BAIAP2L1: variants seen among roughly 807,000 people sequenced by gnomAD.
BAIAP2L1 encodes BAR/IMD domain containing adaptor protein 2 like 1, also known as BAR/IMD domain-containing adapter protein 2-like 1.
In BAIAP2L1, 35 loss-of-function variants were observed where a neutral mutation model predicts 66.3. The observed-to-expected ratio is 0.53, with a 90% CI of 0.40 to 0.70. The LOEUF (loss-of-function observed/expected upper bound fraction) is 0.70, where lower values mean the gene tolerates loss of function less well. BAIAP2L1 is among the 30% of genes least tolerant of loss of function. BAIAP2L1 has a pLI of 0.00. For missense variants in BAIAP2L1, 622 were observed against 656.9 expected, an observed-to-expected ratio of 0.95 and a Z score of 0.58; for synonymous variants, 269 against 248.7, an observed-to-expected ratio of 1.08 and a Z score of -0.77.
chr7:98,293,363 C>T lies in BAIAP2L1; in HGVS notation c.*158G>A, dbSNP rs756148719. On this transcript the variant is annotated 3_prime_UTR_variant, in exon 14 of 14. Coordinates refer to ENST00000005260, the MANE Select transcript of BAIAP2L1 (RefSeq NM_018842.5). ...TAAAGGCAGAAACTTGTCAACCCAA[C>T]TACGTGAAACAGAGAAGCATGATTT... is the stretch of plus-strand genomic sequence containing the variant. The T allele has an allele frequency of 6.1e-6, 4 of 657,222 alleles. No individual in the cohort carries two copies. Among genetic ancestry groups the T allele is most frequent in the African/African-American group, 1.8e-5 (1 of 56,154 alleles). 40.7% of individuals were successfully genotyped at this position (657,222 alleles called of 1,614,324 possible). A position where few individuals can be genotyped will look rare whatever the true frequency, so the allele number is the denominator to read the frequency against.
At chr7:98,375,177 G>A (rs1330762178) in intron 1 of BAIAP2L1, among the ~76,000 whole-genome samples, 1 of 149,938 alleles carries the variant, frequency 6.7e-6, no homozygotes, top group African/African-American at 2.5e-5. Context: ...GGTGGATCAC[G>A]AGGTCAGGAG....
At chr7:98,398,761 A>G (rs879936161) in intron 1 of BAIAP2L1, among the ~76,000 whole-genome samples, 1 of 152,146 alleles carries the variant, frequency 6.6e-6, no homozygotes, top group African/African-American at 2.4e-5. Flanking sequence ...CTAAGGAGTT[A>G]TTACTAAAAG....
At chr7:98,397,318 C>CTTTTTTTTTTTTT (rs36101597) in intron 1 of BAIAP2L1, among the ~76,000 whole-genome samples, 3 of 74,498 alleles carry the variant, frequency 4.0e-5, no homozygotes, top group African/African-American at 1.1e-4. Flanking sequence ...TTCTTAAGCC[C>CTTTTTTTTTTTTT]TTTTTTTTTT....
chr7:98,376,835 A>G (rs958666321), intron 1 of BAIAP2L1, among the ~76,000 whole-genome samples: 1 of 151,854 alleles, frequency 6.6e-6, no homozygotes, highest in East Asian at 1.9e-4. Flanking sequence ...TCCATCTCAA[A>G]CAACAACAAA....
At chr7:98,328,290 G>A (rs1011794251) in intron 3 of BAIAP2L1, among the ~76,000 whole-genome samples, 1 of 152,156 alleles carries the variant, frequency 6.6e-6, no homozygotes, top group African/African-American at 2.4e-5. Flanking sequence ...AGAAGGTTCT[G>A]GATCAGCCTC....
intron 1 of BAIAP2L1, among the ~76,000 whole-genome samples, chr7:98,394,207 C>T (rs1803143750): frequency 6.6e-6 from 1 of 151,788 alleles, no homozygotes; most frequent in Non-Finnish European, 1.5e-5. Flanking sequence ...CTCGCCACTG[C>T]ACTCCAGCCT....
intron 12 of BAIAP2L1, among the ~76,000 whole-genome samples, chr7:98,301,922 C>A (rs927258188): frequency 6.6e-6 from 1 of 152,116 alleles, no homozygotes; most frequent in Non-Finnish European, 1.5e-5. Flanking sequence ...TCACCCCCTG[C>A]AGGCAGCCCC....
rs34330041 is a variant in BAIAP2L1 at position 98,372,733 on chromosome 7, GTTTTTTTTTTTT to G, written c.52-10313_52-10302del. 6.4e-5 allele frequency among the ~76,000 whole-genome samples: 6 copies of G among 93,814 alleles called. No individual in the cohort carries two copies. The South Asian group carries it at 1.2e-3, about 19-fold the overall frequency. The allele number at this position is 93,814 out of a possible 152,430, so 61.5% of individuals were successfully genotyped here. On this transcript the variant is annotated intron_variant, in intron 1 of 13. Coordinates refer to ENST00000005260, the MANE Select transcript of BAIAP2L1 (RefSeq NM_018842.5). ...TGAGGATATGTCAAGATCGATTTTG[GTTTTTTTTTTTT>G]TTTTTTTTTTTGAGACACAGTCTCG...
At chr7:98,354,980 G>A (rs894077279) in intron 3 of BAIAP2L1, 62 bp downstream of exon 3, 25 of 1,282,642 alleles carry the variant, frequency 1.9e-5, no homozygotes, top group Admixed American at 1.0e-4. Flanking sequence ...CATCCCACGC[G>A]TTTCTCTTGG....
At chr7:98,380,270 C>T (rs1349125878) in intron 1 of BAIAP2L1, among the ~76,000 whole-genome samples, 1 of 151,866 alleles carries the variant, frequency 6.6e-6, no homozygotes, top group African/African-American at 2.4e-5. Flanking sequence ...TAGAGATGGG[C>T]TCTTGCCATG....
intron 7 of BAIAP2L1, among the ~76,000 whole-genome samples, chr7:98,313,441 G>A (rs1800952483): frequency 6.6e-6 from 1 of 152,048 alleles, no homozygotes; most frequent in African/African-American, 2.4e-5. Flanking sequence ...ATATCACGCA[G>A]GAAGAGAACC....
intron 1 of BAIAP2L1, among the ~76,000 whole-genome samples, chr7:98,384,224 A>G (rs547691257): frequency 6.6e-6 from 1 of 152,324 alleles, no homozygotes; most frequent in East Asian, 1.9e-4. Flanking sequence ...AACAGGTACA[A>G]AGAAATACCA....
intron 9 of BAIAP2L1, 54 bp downstream of exon 9, chr7:98,310,391 A>G (rs1800822406): frequency 3.3e-6 from 5 of 1,532,520 alleles, no homozygotes; most frequent in Non-Finnish European, 4.4e-6. Context: ...TTCACAGCTT[A>G]TCTTAAAACA....
chr7:98,386,731 C>T (rs1009641928), intron 1 of BAIAP2L1: 22 of 601,132 alleles, frequency 3.7e-5, no homozygotes, highest in Middle Eastern at 4.8e-4. Context: ...GACAGAGTCT[C>T]GCTCTGTCGC....
chr7:98,362,522 A>G (rs1802294983), intron 1 of BAIAP2L1, 90 bp from the exon 2 acceptor site: 1 of 1,020,718 alleles, frequency 9.8e-7, no homozygotes, highest in East Asian at 2.4e-5. Context: ...CAGGATAGCT[A>G]TGGATGCCTA....
In BAIAP2L1 at chr7:98,334,538, C is replaced by T. The variant is rs546220738; in HGVS notation, c.215-14240G>A. ...CAGCCTGGCACACAAAATAACGAGGCTCATTAAGGGGTTTTTGTTTTTTTG... is the reference window on the plus strand; with the variant it reads ...CAGCCTGGCACACAAAATAACGAGGTTCATTAAGGGGTTTTTGTTTTTTTG... On this transcript the variant is annotated intron_variant, in intron 3 of 13. Transcript: ENST00000005260. Among the ~76,000 whole-genome samples the T allele has an allele frequency of 5.3e-5, 8 of 152,040 alleles. No individual in the cohort carries two copies. In the East Asian group the frequency reaches 1.2e-3, roughly 22 times the overall value.
At position 98,293,832 on chromosome 7, in the gene BAIAP2L1, A is replaced by G. The variant is rs577986857; in HGVS notation, c.1461-236T>C. Among the ~76,000 whole-genome samples the G allele has an allele frequency of 2.0e-5, 3 of 152,322 alleles. No homozygotes were observed. In the East Asian group the frequency reaches 5.8e-4, roughly 29 times the overall value. On this transcript the variant is annotated intron_variant, in intron 13 of 13. Coordinates refer to ENST00000005260, the MANE Select transcript of BAIAP2L1 (RefSeq NM_018842.5). The stretch of plus-strand genomic sequence containing the variant: ...TTAAGCGTTCTGGACGTGGGCACCC[A>G]CACCTCTTTAGTCCTGCATTGTGTG...
chr7:98,364,983 T>C (rs915764863), intron 1 of BAIAP2L1, among the ~76,000 whole-genome samples: 7 of 31,480 alleles, frequency 2.2e-4, no homozygotes, highest in Admixed American at 1.0e-3. Flanking sequence ...TGAGGATATG[T>C]CTCAAAAAAA....
At chr7:98,396,375 T>G (rs1163504604) in intron 1 of BAIAP2L1, among the ~76,000 whole-genome samples, 2 of 152,148 alleles carry the variant, frequency 1.3e-5, no homozygotes, top group Non-Finnish European at 2.9e-5. Flanking sequence ...AGCCTCATTT[T>G]ATTAAGAGAG....
Sources: allele counts gnomAD v4.1 joint callset (sites outside exome capture counted in the v4.1 genomes callset), GRCh38; gene constraint gnomAD v4.1.1; transcripts MANE v1.5; gene names NCBI Gene and HGNC (gene_info 2026-07-23, HGNC 2026-07-21).